The following CLYBL variants were observed in gnomAD, a reference collection of about 807,000 sequenced individuals.
CLYBL encodes the protein citramalyl-CoA lyase, mitochondrial.
CLYBL carries 31 observed loss-of-function variants against 38.9 expected under a neutral mutation model. The observed-to-expected ratio is 0.80, with a 90% confidence interval of 0.60 to 1.08. The LOEUF (loss-of-function observed/expected upper bound fraction) is 1.08, where lower values mean the gene tolerates loss of function less well. Among genes scored for constraint, CLYBL ranks in the 50% least tolerant of loss-of-function variants. CLYBL has a pLI of 0.00. For synonymous variants in CLYBL, 171 were observed against 158.6 expected (o/e 1.08, Z -0.59); for missense variants, 434 against 411.6 (o/e 1.05, Z -0.47).
At chr13:99,867,176 A>G (rs2051769004) in intron 6 of CLYBL, among the ~76,000 whole-genome samples, 2 of 152,224 alleles carry the variant, frequency 1.3e-5, no homozygotes, top group South Asian at 4.1e-4. Flanking sequence ...GGAAAAACAC[A>G]GTGCACTCCT....
chr13:99,722,547 G>A (rs752956257), intron 1 of CLYBL, among the ~76,000 whole-genome samples: 1 of 151,888 alleles, frequency 6.6e-6, no homozygotes, highest in African/African-American at 2.4e-5. Flanking sequence ...ACAGTCACTG[G>A]TTCATACCAG....
At chr13:99,766,452 T>C (rs1244091418) in intron 1 of CLYBL, among the ~76,000 whole-genome samples, 1 of 152,214 alleles carries the variant, frequency 6.6e-6, no homozygotes, top group African/African-American at 2.4e-5. Flanking sequence ...GATCACTGAG[T>C]TTCCTTAGAA....
At chr13:99,780,314 A>G (rs2049614857) in intron 2 of CLYBL, among the ~76,000 whole-genome samples, 1 of 152,104 alleles carries the variant, frequency 6.6e-6, no homozygotes, top group Admixed American at 6.6e-5. Flanking sequence ...TTTGCTTTCA[A>G]AGTGTCCATA....
At chr13:99,881,494 C>T (rs955794616) in intron 7 of CLYBL, among the ~76,000 whole-genome samples, 4 of 152,146 alleles carry the variant, frequency 2.6e-5, no homozygotes, top group Non-Finnish European at 5.9e-5. Context: ...ATGATCATGG[C>T]TCACTTCAGC....
At chr13:99,882,893 T>A (rs2052248158) in intron 7 of CLYBL, among the ~76,000 whole-genome samples, 2 of 151,980 alleles carry the variant, frequency 1.3e-5, no homozygotes, top group African/African-American at 4.8e-5. Flanking sequence ...AGATCTACCC[T>A]TCCCCTGGCG....
At chr13:99,843,813 G>C (rs554059034) in intron 2 of CLYBL, among the ~76,000 whole-genome samples, 1 of 152,256 alleles carries the variant, frequency 6.6e-6, no homozygotes, top group South Asian at 2.1e-4. Context: ...TCTTGGCCAG[G>C]CTGGTCTCGA....
chr13:99,633,159 C>T (rs574630037), intron 1 of CLYBL, among the ~76,000 whole-genome samples: 15 of 132,224 alleles, frequency 1.1e-4, no homozygotes, highest in African/African-American at 2.8e-4. Context: ...TGCAGTGAGC[C>T]GAGATCATAC....
rs1340862331 is a variant in CLYBL at position 99,620,822 on chromosome 13, GAGAA to G, written c.62+14079_62+14082del. Among the ~76,000 whole-genome samples, 23 of 137,924 alleles carry G rather than the reference GAGAA, an allele frequency of 1.7e-4. 1 individual carries two copies. Among genetic ancestry groups the G allele is most frequent in the Non-Finnish European group, 2.5e-4 (16 of 64,106 alleles). The allele number at this position is 137,924 out of a possible 152,430, so 90.5% of individuals were successfully genotyped here. ...AGAGAGAGAGAAAGAGAGAGAGAGA[GAGAA>G]AGAAAGAAAGAAAAAGAAAGAAAGA... On this transcript the variant is annotated intron_variant, in intron 1 of 8. Transcript: ENST00000339105.
intron 2 of CLYBL, among the ~76,000 whole-genome samples, chr13:99,787,284 C>T (rs534339480): frequency 1.3e-5 from 2 of 152,170 alleles, no homozygotes; most frequent in Non-Finnish European, 2.9e-5. Flanking sequence ...ATGCCTATGT[C>T]CTGAATGGTA....
intron 1 of CLYBL, among the ~76,000 whole-genome samples, chr13:99,724,057 T>A (rs1339633663): frequency 6.6e-6 from 1 of 152,178 alleles, no homozygotes; most frequent in Non-Finnish European, 1.5e-5. Flanking sequence ...TTGTCTTTGT[T>A]TTTTGCTGTA....
intron 1 of CLYBL, among the ~76,000 whole-genome samples, chr13:99,649,370 TATA>T (rs2139295826): frequency 6.6e-6 from 1 of 152,338 alleles, no homozygotes; most frequent in East Asian, 1.9e-4. Flanking sequence ...CCATTTTTCA[TATA>T]CTGGTGCAGG....
chr13:99,837,965 T>C (rs11841056), intron 2 of CLYBL, among the ~76,000 whole-genome samples: 2,868 of 152,334 alleles, frequency 0.019, 80 homozygotes, highest in African/African-American at 0.06. Context: ...TTACATGATA[T>C]CTCTGGTTTT....
intron 1 of CLYBL, among the ~76,000 whole-genome samples, chr13:99,624,454 T>C (rs1050798355): frequency 2.6e-5 from 4 of 152,260 alleles, no homozygotes; most frequent in Non-Finnish European, 5.9e-5. Context: ...TGTCTAAACA[T>C]TCCTGCTAAT....
intron 1 of CLYBL, among the ~76,000 whole-genome samples, chr13:99,609,169 GTTTTTTTTTTTTTTTT>G (rs58873910): frequency 1.1e-4 from 5 of 45,780 alleles, no homozygotes; most frequent in African/African-American, 4.7e-4. Context: ...ACCTGTCTTT[GTTTTTTTTTTTTTTTT>G]TTTTTTTTTT....
intron 1 of CLYBL, among the ~76,000 whole-genome samples, chr13:99,710,602 C>T (rs1458140865): frequency 2.6e-5 from 4 of 152,134 alleles, no homozygotes; most frequent in South Asian, 2.1e-4. Context: ...CCTGCACTTC[C>T]CCAGTCCTTT....
intron 1 of CLYBL, among the ~76,000 whole-genome samples, chr13:99,668,254 A>G (rs1566604202): frequency 6.8e-6 from 1 of 147,160 alleles, no homozygotes; most frequent in Non-Finnish European, 1.5e-5. Flanking sequence ...AGCCTGGGCG[A>G]CAGAGTGAGC....
chr13:99,830,955 A>T (rs1171857990), intron 2 of CLYBL, among the ~76,000 whole-genome samples: 1 of 152,242 alleles, frequency 6.6e-6, no homozygotes, highest in African/African-American at 2.4e-5. Context: ...AAATCCAATG[A>T]CAAGTGTCTT....
In CLYBL at chr13:99,771,020, C is replaced by CTTTTTTT. The variant is rs546998940; in HGVS notation, c.63-1779_63-1773dup. Among the ~76,000 whole-genome samples the CTTTTTTT allele has an allele frequency of 2.6e-4, 31 of 120,234 alleles. 1 individual carries two copies. Among genetic ancestry groups the CTTTTTTT allele is most frequent in the African/African-American group, 1.1e-3 (31 of 27,682 alleles). The allele number at this position is 120,234 out of a possible 152,430, so 78.9% of individuals were successfully genotyped here. A position where few individuals can be genotyped will look rare whatever the true frequency, so the allele number is the denominator to read the frequency against. On this transcript the variant is annotated intron_variant, in intron 1 of 8. Coordinates refer to ENST00000339105, the MANE Select transcript of CLYBL (RefSeq NM_206808.5). The stretch of plus-strand genomic sequence containing the variant: ...CAGGCGTAAGCCACCACGCGGGGCC[C>CTTTTTTT]TTTTTTTTTTTTTTTTTTTTTTTTT...
At chr13:99,690,921 T>C (rs1244299454) in intron 1 of CLYBL, 3 of 152,212 alleles carry the variant, frequency 2.0e-5, no homozygotes, top group Non-Finnish European at 4.4e-5. Flanking sequence ...CAGCCTCCTA[T>C]GTGAACAAAA....
Sources: allele counts gnomAD v4.1 joint callset (sites outside exome capture counted in the v4.1 genomes callset), GRCh38; gene constraint gnomAD v4.1.1; transcripts MANE v1.5; gene names NCBI Gene and HGNC (gene_info 2026-07-23, HGNC 2026-07-21).